Variants in CCDC68 observed in about 807,000 individuals in gnomAD.
CCDC68 encodes coiled-coil domain-containing protein 68.
A neutral mutation model predicts 47.1 loss-of-function variants in CCDC68; 45 were observed. The ratio of observed to expected loss-of-function variants is 0.96; its 90% confidence interval spans 0.75 to 1.23. The LOEUF is 1.23. CCDC68 is among the 50% of genes most tolerant of loss of function. The probability of loss-of-function intolerance (pLI) is 0.00; values close to 1 mark genes in which losing one functional copy is unlikely to be tolerated. For synonymous variants in CCDC68, 131 were observed against 129.5 expected (o/e 1.01, Z -0.08); for missense variants, 353 against 373.6 (o/e 0.94, Z 0.45).
At chr18:54,939,095 A>C (rs2044395213) in intron 4 of CCDC68, among the ~76,000 whole-genome samples, 2 of 152,222 alleles carry the variant, frequency 1.3e-5, no homozygotes, top group South Asian at 4.1e-4. Context: ...TGTTCTTTTC[A>C]CTACAATATA....
At chr18:54,944,176 G>A (rs928290682) in intron 2 of CCDC68, among the ~76,000 whole-genome samples, 4 of 151,972 alleles carry the variant, frequency 2.6e-5, no homozygotes, top group African/African-American at 9.7e-5. Context: ...CATCCCTCAC[G>A]GCCAGACTGT....
chr18:54,908,012 G>A (rs1027817590), intron 10 of CCDC68, 150 bp from the exon 11 acceptor site: 1 of 590,652 alleles, frequency 1.7e-6, no homozygotes, highest in East Asian at 2.8e-5. Context: ...ATAGCCAGTT[G>A]AAAGTCACTA....
intron 10 of CCDC68, among the ~76,000 whole-genome samples, chr18:54,914,662 G>A (rs11665320): frequency 0.16 from 24,012 of 152,058 alleles, 1,989 homozygotes; most frequent in South Asian, 0.21. Flanking sequence ...ACTGGCTTGG[G>A]TTGAGCTACG....
chr18:54,957,627 A>ACTCTCTCTCT (rs60851819), intron 1 of CCDC68, among the ~76,000 whole-genome samples: 10 of 143,852 alleles, frequency 7.0e-5, no homozygotes, highest in East Asian at 4.2e-4. Context: ...ACACACACAC[A>ACTCTCTCTCT]CTCTCTCTCT....
At chr18:54,950,197 TG>T (rs1359058000) in intron 1 of CCDC68, among the ~76,000 whole-genome samples, 3 of 152,248 alleles carry the variant, frequency 2.0e-5, no homozygotes, top group Non-Finnish European at 4.4e-5. Context: ...TTTTGTTTCC[TG>T]GTTCTAAGAG....
At chr18:54,933,744 C>A (rs1330027130) in intron 7 of CCDC68, among the ~76,000 whole-genome samples, 2 of 152,172 alleles carry the variant, frequency 1.3e-5, no homozygotes, top group Admixed American at 1.3e-4. Flanking sequence ...ACTCAGTGAC[C>A]TTCCACATAA....
chr18:54,916,415 G>T (rs1051463681), intron 10 of CCDC68, among the ~76,000 whole-genome samples: 1 of 152,138 alleles, frequency 6.6e-6, no homozygotes, highest in African/African-American at 2.4e-5. Flanking sequence ...GAAAGAACAT[G>T]ATAGTGGAAG....
At chr18:54,953,479 C>A (rs914448614) in intron 1 of CCDC68, among the ~76,000 whole-genome samples, 19 of 151,458 alleles carry the variant, frequency 1.3e-4, no homozygotes, top group African/African-American at 4.6e-4. Flanking sequence ...ATTCTTGACC[C>A]CCAAAAGAGT....
chr18:54,919,124 CA>C, intron 9 of CCDC68, 146 bp downstream of exon 9: 1 of 632,244 alleles, frequency 1.6e-6, no homozygotes, highest in East Asian at 2.6e-5. Flanking sequence ...GCATTGAAAA[CA>C]GAGACATATT....
rs939203885 is a variant in CCDC68, at chr18:54,936,944, T to C, written c.360A>G (p.Arg120=). ...EVLKIKLQAS[R]EAGAAALRNV... is the part of the protein sequence containing the mutation. The stretch of plus-strand genomic sequence containing the variant: ...TTCTCAGAGCTGCTGCTCCTGCTTC[T>C]CTGGAGGCTTGCAGCTAGAAAAAAG... Residue 120 remains arginine (R), a synonymous_variant, in exon 6 of 12, where the codon AGA becomes AGG. Transcript: ENST00000591504. 3.2e-5 allele frequency: 51 copies of C among 1,614,060 alleles called. 1 individual carries two copies. The Admixed American group carries it at 7.8e-4, about 25-fold the overall frequency.
chr18:54,936,234 AAAAAATATATAGTTATATATATTT>A (rs1262540834), intron 6 of CCDC68, among the ~76,000 whole-genome samples: 78 of 76,242 alleles, frequency 1.0e-3, no homozygotes, highest in Non-Finnish European at 1.5e-3. Flanking sequence ...ATATATTTTT[AAAAAATATATAGTTATATATATTT>A]AAAAATATAT....
chr18:54,952,886 G>A (rs1054403420), intron 1 of CCDC68, among the ~76,000 whole-genome samples: 10 of 152,086 alleles, frequency 6.6e-5, no homozygotes, highest in South Asian at 2.1e-4. Flanking sequence ...GGCGGTGCAC[G>A]TGCGTAATCA....
chr18:54,948,175 T>A (rs558207588), intron 1 of CCDC68, among the ~76,000 whole-genome samples: 15 of 152,156 alleles, frequency 9.9e-5, no homozygotes, highest in African/African-American at 3.4e-4. Context: ...AAAAATAGGG[T>A]TTTGCAGGTG....
chr18:54,942,423 A>G (rs1897926645), intron 3 of CCDC68, among the ~76,000 whole-genome samples: 1 of 152,096 alleles, frequency 6.6e-6, no homozygotes. Context: ...GGTGTTCTGA[A>G]CCCTCCTGGC....
At chr18:54,946,396 G>A (rs1431304831) in intron 1 of CCDC68, among the ~76,000 whole-genome samples, 2 of 152,174 alleles carry the variant, frequency 1.3e-5, no homozygotes, top group African/African-American at 4.8e-5. Context: ...GGAAAATAGA[G>A]GCAAGCAAAG....
chr18:54,956,981 C>T lies in CCDC68; in HGVS notation c.-103+2355G>A, dbSNP rs144241557. On this transcript the variant is annotated intron_variant, in intron 1 of 11. Coordinates refer to ENST00000591504, the MANE Select transcript of CCDC68 (RefSeq NM_025214.3). The stretch of plus-strand genomic sequence containing the variant: ...ATAACTTGAATAAAGATGCTGTTTT[C>T]CTCTGGGGGTGGGGTGAATGTAACT... 8.2e-4 allele frequency among the ~76,000 whole-genome samples: 125 copies of T among 151,944 alleles called. 1 individual carries two copies. The highest frequency in any genetic ancestry group is 3.0e-3 in the African/African-American group (124 of 41,450).
rs141888762 is a variant in CCDC68, at chr18:54,928,824, T to C, written c.659A>G (p.Lys220Arg). 654 of 1,612,370 alleles carry C rather than the reference T, an allele frequency of 4.1e-4. 6 individuals are homozygous for C. In the East Asian group the frequency reaches 0.014, roughly 35 times the overall value. Residue 220 changes from lysine (K) to arginine (R), a missense_variant, in exon 8 of 12, where the codon AAA (lysine) becomes AGA (arginine). Physicochemically the swap from Lys to Arg is conservative, Grantham distance 26 (BLOSUM62 2). Coordinates refer to ENST00000591504, the MANE Select transcript of CCDC68 (RefSeq NM_025214.3). ...CCTTTTTCCATATGTAGCACTGGATTTGAGTTGCAGTAGCTTGTTTTCCAA... is the reference window on the plus strand; with the variant it reads ...CCTTTTTCCATATGTAGCACTGGATCTGAGTTGCAGTAGCTTGTTTTCCAA... ...LSLENKLLQL[K>R]SSATYGKSCQ...
chr18:54,910,339 T>G (rs1914284501), intron 10 of CCDC68, among the ~76,000 whole-genome samples: 1 of 152,200 alleles, frequency 6.6e-6, no homozygotes, highest in Non-Finnish European at 1.5e-5. Flanking sequence ...TGCTTGATTC[T>G]CAGTAGAGAG....
chr18:54,920,516 T>C (rs1886230630), intron 8 of CCDC68, among the ~76,000 whole-genome samples: 1 of 152,108 alleles, frequency 6.6e-6, no homozygotes, highest in Non-Finnish European at 1.5e-5. Flanking sequence ...ATCACAAAGA[T>C]AGCAGAAATT....
Sources: allele counts gnomAD v4.1 joint callset (sites outside exome capture counted in the v4.1 genomes callset), GRCh38; gene constraint gnomAD v4.1.1; transcripts MANE v1.5; gene names NCBI Gene and HGNC (gene_info 2026-07-23, HGNC 2026-07-21).